LOXHD1: variants seen among roughly 807,000 people sequenced by gnomAD.
LOXHD1 encodes the protein lipoxygenase homology domain-containing protein 1.
In LOXHD1, 205 loss-of-function variants were observed where a neutral mutation model predicts 248.2. The ratio of observed to expected loss-of-function variants is 0.83; its 90% CI spans 0.74 to 0.93. The LOEUF is 0.93. Ranked by LOEUF, LOXHD1 falls within the 40% of genes least tolerant of loss-of-function variation. LOXHD1 has a pLI of 0.00. For synonymous variants in LOXHD1, 1,113 were observed against 1,162.8 expected (o/e 0.96, Z 0.87); for missense variants, 2,930 against 2,971.6 (o/e 0.99, Z 0.33).
chr18:46,573,022 CAAAA>C (rs71162809), intron 14 of LOXHD1, among the ~76,000 whole-genome samples: 1 of 57,376 alleles, frequency 1.7e-5, no homozygotes, highest in Non-Finnish European at 2.9e-5. Context: ...GACTCCGTCT[CAAAA>C]AAAAAAAAAA....
intron 3 of LOXHD1, 134 bp downstream of exon 3, chr18:46,641,822 G>A: frequency 1.2e-6 from 1 of 866,044 alleles, no homozygotes; most frequent in East Asian, 2.7e-5. Context: ...CAGGATGACA[G>A]GGAAAGATTT....
intron 17 of LOXHD1, among the ~76,000 whole-genome samples, chr18:46,565,529 G>C (rs1022971446): frequency 1.3e-5 from 2 of 152,164 alleles, no homozygotes; most frequent in Non-Finnish European, 2.9e-5. Context: ...AGCAGTGCTG[G>C]CAGAGAGAAA....
intron 39 of LOXHD1, among the ~76,000 whole-genome samples, chr18:46,484,326 G>A (rs2032853610): frequency 1.3e-5 from 2 of 152,154 alleles, no homozygotes; most frequent in Admixed American, 1.3e-4. Context: ...CTATTCTCCA[G>A]TGTGATGGTA....
intron 11 of LOXHD1, 31 bp downstream of exon 11, chr18:46,592,467 A>G: frequency 1.3e-6 from 2 of 1,520,030 alleles, no homozygotes; most frequent in Non-Finnish European, 1.8e-6. Context: ...TTTCCCAACA[A>G]CCTCCCAAAC....
At chr18:46,620,459 C>T (rs1346403236) in intron 4 of LOXHD1, among the ~76,000 whole-genome samples, 8 of 152,192 alleles carry the variant, frequency 5.3e-5, no homozygotes, top group Non-Finnish European at 1.0e-4. Flanking sequence ...ATGAGAGGGG[C>T]TGGGAAGCAT....
chr18:46,563,433 G>A (rs1260893399), intron 17 of LOXHD1, among the ~76,000 whole-genome samples: 1 of 152,136 alleles, frequency 6.6e-6, no homozygotes, highest in Non-Finnish European at 1.5e-5. Context: ...AGAATAAGTG[G>A]TGGAAATGCC....
intron 37 of LOXHD1, among the ~76,000 whole-genome samples, chr18:46,500,103 CT>C (rs1162439900): frequency 6.6e-6 from 1 of 152,104 alleles, no homozygotes; most frequent in African/African-American, 2.4e-5. Flanking sequence ...CTTCTTCCCC[CT>C]CCTCTTCCTT....
chr18:46,568,157 T>C (rs2037680667), intron 16 of LOXHD1, among the ~76,000 whole-genome samples: 1 of 152,054 alleles, frequency 6.6e-6, no homozygotes, highest in Non-Finnish European at 1.5e-5. Flanking sequence ...GGACCTGAAA[T>C]AGGGTGGGAC....
intron 40 of LOXHD1, among the ~76,000 whole-genome samples, chr18:46,482,292 C>T (rs1019883689): frequency 7.2e-5 from 11 of 152,122 alleles, no homozygotes; most frequent in Non-Finnish European, 5.9e-5. Flanking sequence ...TGGGGGACTT[C>T]AAGAGATAAT....
intron 22 of LOXHD1, among the ~76,000 whole-genome samples, chr18:46,545,884 C>T (rs1024279383): frequency 6.6e-6 from 1 of 151,822 alleles, no homozygotes; most frequent in African/African-American, 2.4e-5. Context: ...CCGCCTCGGC[C>T]TCCCAAAGTG....
At chr18:46,648,711 G>C (rs1045353719) in intron 2 of LOXHD1, among the ~76,000 whole-genome samples, 1 of 152,192 alleles carries the variant, frequency 6.6e-6, no homozygotes, top group Non-Finnish European at 1.5e-5. Context: ...AGCTGAGTGT[G>C]CAATGGCTGG....
chr18:46,585,984 C>T (rs2038051716), intron 12 of LOXHD1, among the ~76,000 whole-genome samples: 1 of 152,112 alleles, frequency 6.6e-6, no homozygotes, highest in African/African-American at 2.4e-5. Flanking sequence ...GCATTATTTA[C>T]ATAACCAAAA....
At chr18:46,503,426 T>TCA (rs898395421) in intron 37 of LOXHD1, among the ~76,000 whole-genome samples, 1 of 152,172 alleles carries the variant, frequency 6.6e-6, no homozygotes, top group African/African-American at 2.4e-5. Flanking sequence ...CTCAATGCTT[T>TCA]CACACTTGTC....
intron 37 of LOXHD1, among the ~76,000 whole-genome samples, chr18:46,501,350 A>G (rs755502558): frequency 7.2e-5 from 11 of 152,124 alleles, no homozygotes; most frequent in Non-Finnish European, 1.2e-4. Flanking sequence ...TTCATGGTCT[A>G]TTTAGTGCCA....
At chr18:46,622,024 C>T (rs559367754) in intron 4 of LOXHD1, among the ~76,000 whole-genome samples, 26 of 152,338 alleles carry the variant, frequency 1.7e-4, no homozygotes, top group African/African-American at 6.0e-4. Flanking sequence ...AACTGAAGCT[C>T]AGAGGGCAAG....
chr18:46,633,282 A>G (rs1263250193), intron 4 of LOXHD1, among the ~76,000 whole-genome samples: 1 of 152,222 alleles, frequency 6.6e-6, no homozygotes, highest in Non-Finnish European at 1.5e-5. Context: ...AGTCATATAG[A>G]CCAGTGGAAT....
At chr18:46,584,205 G>A (rs2038017360) in intron 12 of LOXHD1, among the ~76,000 whole-genome samples, 1 of 152,060 alleles carries the variant, frequency 6.6e-6, no homozygotes, top group Non-Finnish European at 1.5e-5. Flanking sequence ...ATTTTTACAA[G>A]AGTAGTTACA....
intron 16 of LOXHD1, 29 bp downstream of exon 16, chr18:46,569,413 T>C (rs1170777739): frequency 3.2e-6 from 5 of 1,539,848 alleles, no homozygotes; most frequent in Non-Finnish European, 4.4e-6. Context: ...GGTGGGATGA[T>C]GTCACATGGT....
intron 12 of LOXHD1, among the ~76,000 whole-genome samples, chr18:46,585,079 C>A (rs967429144): frequency 6.6e-5 from 10 of 152,098 alleles, no homozygotes; most frequent in Admixed American, 3.3e-4. Context: ...AACCCATAAA[C>A]GTTAGCTATA....
Sources: allele counts gnomAD v4.1 joint callset (sites outside exome capture counted in the v4.1 genomes callset), GRCh38; gene constraint gnomAD v4.1.1; transcripts MANE v1.5; gene names NCBI Gene and HGNC (gene_info 2026-07-23, HGNC 2026-07-21).